ITGA1: variants seen among roughly 807,000 people sequenced by gnomAD.
ITGA1 encodes the protein integrin subunit alpha 1.
A neutral mutation model predicts 145.9 loss-of-function variants in ITGA1; 85 were observed. That is an observed-to-expected ratio of 0.58 (90% CI 0.49 to 0.70). The LOEUF (loss-of-function observed/expected upper bound fraction) is 0.70, where lower values mean the gene tolerates loss of function less well. Among genes scored for constraint, ITGA1 ranks in the 30% least tolerant of loss-of-function variants. The pLI is 0.00. For synonymous variants in ITGA1, 520 were observed against 495.3 expected, an observed-to-expected ratio of 1.05 and a Z score of -0.66; for missense variants, 1,351 against 1,418.7, an observed-to-expected ratio of 0.95 and a Z score of 0.77.
At chr5:52,950,914 G>A (rs1023130240) in intron 28 of ITGA1, among the ~76,000 whole-genome samples, 2 of 152,140 alleles carry the variant, frequency 1.3e-5, no homozygotes, top group Non-Finnish European at 2.9e-5. Flanking sequence ...CTAATGGTTT[G>A]TGAATCTGGA....
chr5:52,850,666 A>G (rs1749417582), intron 2 of ITGA1, among the ~76,000 whole-genome samples: 1 of 152,176 alleles, frequency 6.6e-6, no homozygotes, highest in Non-Finnish European at 1.5e-5. Flanking sequence ...GAGTTCTCAC[A>G]TTTTTTAAGT....
chr5:52,893,616 A>G (rs912619543), intron 8 of ITGA1, 59 bp from the exon 9 acceptor site: 2 of 1,465,332 alleles, frequency 1.4e-6, no homozygotes, highest in African/African-American at 2.8e-5. Context: ...AATGCTTGAG[A>G]TCCTTTATTT....
At chr5:52,812,840 C>T (rs1259825152) in intron 1 of ITGA1, among the ~76,000 whole-genome samples, 1 of 114,858 alleles carries the variant, frequency 8.7e-6, no homozygotes, top group Non-Finnish European at 1.6e-5. Flanking sequence ...ACTTGGGCAA[C>T]AGATCAGCCA....
rs537760791 is a variant in ITGA1, at chr5:52,908,830, T to C, written c.1456-68T>C. ...TCTAGATTGCTAGAAGTAAAACAAA[T>C]GTAGATTTCAGTTTCCTTGAGAATT... is the stretch of plus-strand genomic sequence containing the variant. On this transcript the variant is annotated intron_variant, in intron 12 of 28. Coordinates refer to ENST00000282588, the MANE Select transcript of ITGA1 (RefSeq NM_181501.2). The C allele has an allele frequency of 1.3e-6, 2 of 1,549,814 alleles. 1 individual carries two copies. The highest frequency in any genetic ancestry group is 3.5e-5 in the Admixed American group (2 of 56,394).
chr5:52,886,336 A>T lies in ITGA1; in HGVS notation c.774-1479A>T, dbSNP rs545670227. On this transcript the variant is annotated intron_variant, in intron 7 of 28. Coordinates refer to ENST00000282588, the MANE Select transcript of ITGA1 (RefSeq NM_181501.2). The stretch of plus-strand genomic sequence containing the variant: ...TCGAAAGGAAAAGTCATCACATAGA[A>T]TCCTTTTCCCCATTTCACCAGAATC... Among the ~76,000 whole-genome samples the T allele has an allele frequency of 2.0e-4, 31 of 152,330 alleles. No individual in the cohort carries two copies. The South Asian group carries it at 6.4e-3, about 32-fold the overall frequency.
chr5:52,942,594 G>A (rs1442616109), intron 26 of ITGA1, among the ~76,000 whole-genome samples: 3 of 149,448 alleles, frequency 2.0e-5, no homozygotes, highest in Admixed American at 6.7e-5. Flanking sequence ...CCAGTGGCGC[G>A]ACCTTGGCTC....
At chr5:52,950,605 C>G (rs961986540) in intron 28 of ITGA1, among the ~76,000 whole-genome samples, 5 of 152,100 alleles carry the variant, frequency 3.3e-5, no homozygotes, top group African/African-American at 1.2e-4. Context: ...TAGGATTGGC[C>G]CAGTCCATCT....
At chr5:52,932,934 T>C (rs1429571499) in intron 22 of ITGA1, 2 of 152,048 alleles carry the variant, frequency 1.3e-5, no homozygotes, top group Non-Finnish European at 2.9e-5. Flanking sequence ...TTACCCAAGG[T>C]TATATATTCA....
intron 8 of ITGA1, among the ~76,000 whole-genome samples, chr5:52,889,473 T>C (rs973541596): frequency 6.6e-6 from 1 of 152,176 alleles, no homozygotes; most frequent in African/African-American, 2.4e-5. Context: ...AAACAGTAAT[T>C]TTAGTTCTTT....
chr5:52,929,800 C>A, intron 21 of ITGA1, 99 bp downstream of exon 21: 2 of 639,308 alleles, frequency 3.1e-6, no homozygotes, highest in Non-Finnish European at 2.7e-6. Flanking sequence ...CAGTTTCTTC[C>A]AGGTTGTAGG....
At chr5:52,860,328 A>C (rs1372315042) in intron 2 of ITGA1, among the ~76,000 whole-genome samples, 4 of 152,098 alleles carry the variant, frequency 2.6e-5, no homozygotes, top group African/African-American at 9.7e-5. Flanking sequence ...TGGGCGGATC[A>C]CGTGGTCAAG....
At chr5:52,931,817 A>G (rs1750896742) in intron 21 of ITGA1, 1 of 365,150 alleles carries the variant, frequency 2.7e-6, no homozygotes, top group Non-Finnish European at 4.9e-6. Flanking sequence ...AAAAACATAA[A>G]TCAGTGTGAT....
chr5:52,902,663 T>A (rs1750334587), intron 11 of ITGA1: 1 of 152,074 alleles, frequency 6.6e-6, no homozygotes, highest in Non-Finnish European at 1.5e-5. Context: ...AACCTCCACC[T>A]CCTGGGTTCA....
At chr5:52,825,572 C>T (rs1748947175) in intron 1 of ITGA1, among the ~76,000 whole-genome samples, 1 of 152,116 alleles carries the variant, frequency 6.6e-6, no homozygotes, top group Non-Finnish European at 1.5e-5. Context: ...GTTTCCTTCT[C>T]TCTCTCCCTT....
chr5:52,808,388 C>T (rs1047159291), intron 1 of ITGA1, among the ~76,000 whole-genome samples: 13 of 152,090 alleles, frequency 8.5e-5, no homozygotes, highest in African/African-American at 2.9e-4. Flanking sequence ...GAAAAAAATC[C>T]CAATAGATTT....
chr5:52,877,667 C>T (rs1489708697), intron 6 of ITGA1, among the ~76,000 whole-genome samples: 2 of 152,244 alleles, frequency 1.3e-5, no homozygotes, highest in Non-Finnish European at 2.9e-5. Flanking sequence ...TCCTCTCTGC[C>T]TGTGAGGTAG....
chr5:52,876,978 G>C (rs1369968090), intron 6 of ITGA1, among the ~76,000 whole-genome samples: 1 of 152,162 alleles, frequency 6.6e-6, no homozygotes. Context: ...ATATTGGGGA[G>C]TCCTGAAGAT....
chr5:52,812,817 T>C (rs1042570447), intron 1 of ITGA1, among the ~76,000 whole-genome samples: 1 of 84,284 alleles, frequency 1.2e-5, no homozygotes, highest in African/African-American at 5.4e-5. Flanking sequence ...TTTTTTTTTT[T>C]GCCAAATACA....
intron 1 of ITGA1, chr5:52,800,755 G>C (rs1196277910): frequency 1.2e-6 from 2 of 1,614,222 alleles, no homozygotes; most frequent in Non-Finnish European, 8.5e-7. Flanking sequence ...GGATAGTGTG[G>C]TACTGGAGCG....
Sources: allele counts gnomAD v4.1 joint callset (sites outside exome capture counted in the v4.1 genomes callset), GRCh38; gene constraint gnomAD v4.1.1; transcripts MANE v1.5; gene names NCBI Gene and HGNC (gene_info 2026-07-23, HGNC 2026-07-21).